Variants in RABGAP1L observed in about 807,000 individuals in gnomAD.
RABGAP1L encodes the protein RAB GTPase activating protein 1 like.
Under a neutral mutation model 137.7 loss-of-function variants are expected in RABGAP1L, and 63 were observed. The ratio of observed to expected loss-of-function variants is 0.46; its 90% confidence interval spans 0.37 to 0.56. The LOEUF (loss-of-function observed/expected upper bound fraction) is 0.56, where lower values mean the gene tolerates loss of function less well. Among genes scored for constraint, RABGAP1L ranks in the 20% least tolerant of loss-of-function variants. The pLI is 0.00. For synonymous variants in RABGAP1L, 431 were observed against 433.7 expected, an observed-to-expected ratio of 0.99 and a Z score of 0.08; for missense variants, 1,095 against 1,244.0, an observed-to-expected ratio of 0.88 and a Z score of 1.80.
chr1:174,250,660 C>A, intron 6 of RABGAP1L, 28 bp downstream of exon 6: 1 of 1,600,302 alleles, frequency 6.2e-7, no homozygotes, highest in Non-Finnish European at 8.5e-7. Flanking sequence ...ATTAAAAATT[C>A]GCATTGTATC....
intron 19 of RABGAP1L, among the ~76,000 whole-genome samples, chr1:174,930,524 C>T (rs1436671116): frequency 6.6e-6 from 1 of 152,102 alleles, no homozygotes; most frequent in Non-Finnish European, 1.5e-5. Context: ...ACTGTGTTCT[C>T]CAGGCTGGTA....
At chr1:174,238,922 TC>T (rs1391984872) in intron 4 of RABGAP1L, 2 of 164,872 alleles carry the variant, frequency 1.2e-5, no homozygotes, top group African/African-American at 4.8e-5. Flanking sequence ...TCAGCGAGAT[TC>T]CGTTGGCGTA....
At chr1:174,809,381 T>C (rs189576423) in intron 18 of RABGAP1L, among the ~76,000 whole-genome samples, 1 of 152,328 alleles carries the variant, frequency 6.6e-6, no homozygotes, top group East Asian at 1.9e-4. Flanking sequence ...TTAGCCTCTC[T>C]TAAGCAGCAT....
At position 174,450,323 on chromosome 1, in the gene RABGAP1L, T is replaced by A. The variant is rs947931223; in HGVS notation, c.1710+56178T>A. 7.2e-5 allele frequency among the ~76,000 whole-genome samples: 11 copies of A among 152,212 alleles called. No homozygotes were observed. The East Asian group carries it at 1.5e-3, about 21-fold the overall frequency. On this transcript the variant is annotated intron_variant, in intron 13 of 25. Coordinates refer to ENST00000681986, the MANE Select transcript of RABGAP1L (RefSeq NM_001366446.1). The stretch of plus-strand genomic sequence containing the variant: ...GTCCACTAGTCAGTCATTTGTGTGA[T>A]ATGCGTTTGCACATACTATGTTTTT...
At chr1:174,202,321 T>A (rs1668175475) in intron 1 of RABGAP1L, among the ~76,000 whole-genome samples, 1 of 152,154 alleles carries the variant, frequency 6.6e-6, no homozygotes, top group Non-Finnish European at 1.5e-5. Context: ...TGTTGTTTCC[T>A]GACTTTTTAA....
intron 13 of RABGAP1L, among the ~76,000 whole-genome samples, chr1:174,405,166 T>C (rs12090860): frequency 0.35 from 53,571 of 152,116 alleles, 12,091 homozygotes; most frequent in African/African-American, 0.64. Flanking sequence ...GATTGAATAA[T>C]GTTTGGTGAA....
rs1326592141 is a variant in RABGAP1L at position 174,991,068 on chromosome 1, G to A, written c.*1067G>A. 3.9e-5 allele frequency: 6 copies of A among 152,068 alleles called. No individual in the cohort carries two copies. Among genetic ancestry groups the A allele is most frequent in the South Asian group, 2.1e-4 (1 of 4,814 alleles). 9.4% of individuals were successfully genotyped at this position (152,068 alleles called of 1,614,324 possible). A position where few individuals can be genotyped will look rare whatever the true frequency, so the allele number is the denominator to read the frequency against. On this transcript the variant is annotated 3_prime_UTR_variant, in exon 26 of 26. Coordinates refer to ENST00000681986, the MANE Select transcript of RABGAP1L (RefSeq NM_001366446.1). ...GTAGTTCCCTGAAAATGTGTCCTTC[G>A]TACCCATAAAGAGATACAAATGCAT...
At chr1:174,682,020 T>C (rs1678099537) in intron 14 of RABGAP1L, among the ~76,000 whole-genome samples, 2 of 152,060 alleles carry the variant, frequency 1.3e-5, no homozygotes, top group Non-Finnish European at 2.9e-5. Flanking sequence ...GTGGATTATG[T>C]CTGTAATCCT....
chr1:174,861,977 T>C (rs988685728), intron 19 of RABGAP1L, among the ~76,000 whole-genome samples: 4 of 152,228 alleles, frequency 2.6e-5, no homozygotes, highest in African/African-American at 9.6e-5. Context: ...GTGTTTATTT[T>C]TGCTTTTATT....
chr1:174,366,341 C>A (rs1392319165), intron 11 of RABGAP1L, among the ~76,000 whole-genome samples: 1 of 152,158 alleles, frequency 6.6e-6, no homozygotes, highest in Non-Finnish European at 1.5e-5. Flanking sequence ...CTTTTACTAA[C>A]CAAATTTTCA....
intron 13 of RABGAP1L, among the ~76,000 whole-genome samples, chr1:174,432,073 G>C (rs1221672364): frequency 6.6e-6 from 1 of 152,108 alleles, no homozygotes; most frequent in East Asian, 1.9e-4. Context: ...CAGGTAGTGA[G>C]CATAGTACCC....
intron 18 of RABGAP1L, among the ~76,000 whole-genome samples, chr1:174,782,862 A>T (rs576042540): frequency 1.3e-5 from 2 of 152,300 alleles, no homozygotes; most frequent in South Asian, 4.1e-4. Flanking sequence ...GGAGGCAAAG[A>T]AGTAGTCAAA....
intron 13 of RABGAP1L, among the ~76,000 whole-genome samples, chr1:174,561,515 C>T (rs938492790): frequency 2.6e-5 from 4 of 152,014 alleles, no homozygotes; most frequent in African/African-American, 9.7e-5. Context: ...TTACTTTAAA[C>T]TTCATATGGA....
At chr1:174,615,484 T>C (rs1671739314) in intron 13 of RABGAP1L, among the ~76,000 whole-genome samples, 1 of 152,218 alleles carries the variant, frequency 6.6e-6, no homozygotes, top group African/African-American at 2.4e-5. Flanking sequence ...GGTCTGCCCC[T>C]ACTTGGGGGT....
chr1:174,911,286 T>C (rs1660013255), intron 19 of RABGAP1L, among the ~76,000 whole-genome samples: 1 of 152,224 alleles, frequency 6.6e-6, no homozygotes, highest in Non-Finnish European at 1.5e-5. Flanking sequence ...TTAAACTTGC[T>C]TGAAGTCTCA....
intron 18 of RABGAP1L, among the ~76,000 whole-genome samples, chr1:174,777,741 A>G (rs1686642955): frequency 6.6e-6 from 1 of 152,260 alleles, no homozygotes; most frequent in Non-Finnish European, 1.5e-5. Flanking sequence ...ACAATGTCTG[A>G]TAGAACTAAG....
chr1:174,875,127 A>G (rs888235790), intron 19 of RABGAP1L, among the ~76,000 whole-genome samples: 2 of 152,242 alleles, frequency 1.3e-5, no homozygotes, highest in African/African-American at 4.8e-5. Context: ...ACATTTATCT[A>G]AGAACCTGTG....
intron 1 of RABGAP1L, among the ~76,000 whole-genome samples, chr1:174,211,893 T>C (rs1404181247): frequency 1.3e-5 from 2 of 152,170 alleles, no homozygotes; most frequent in Non-Finnish European, 1.5e-5. Context: ...AGAAGATCAC[T>C]GTATAATGAC....
intron 13 of RABGAP1L, among the ~76,000 whole-genome samples, chr1:174,543,999 T>C (rs765492063): frequency 4.6e-4 from 70 of 152,190 alleles, no homozygotes; most frequent in Non-Finnish European, 9.0e-4. Flanking sequence ...TGTGGGTAAC[T>C]CGACCTTTCT....
Sources: allele counts gnomAD v4.1 joint callset (sites outside exome capture counted in the v4.1 genomes callset), GRCh38; gene constraint gnomAD v4.1.1; transcripts MANE v1.5; gene names NCBI Gene and HGNC (gene_info 2026-07-23, HGNC 2026-07-21).